The following PLEKHA5 variants were observed in gnomAD, a reference collection of about 807,000 sequenced individuals.
The protein encoded by PLEKHA5 is pleckstrin homology domain containing A5.
In PLEKHA5, 55 loss-of-function variants were observed where a neutral mutation model predicts 181.9. That is an observed-to-expected ratio of 0.30 (90% confidence interval 0.24 to 0.38). The LOEUF (loss-of-function observed/expected upper bound fraction) is 0.38. PLEKHA5 is among the 10% of genes least tolerant of loss of function. PLEKHA5 has a pLI of 1.00. For synonymous variants in PLEKHA5, 535 were observed against 529.4 expected, an observed-to-expected ratio of 1.01 and a Z score of -0.15; for missense variants, 1,432 against 1,549.5, an observed-to-expected ratio of 0.92 and a Z score of 1.27.
In PLEKHA5 at chr12:19,376,160, A is replaced by C. The variant is rs183378943; in HGVS notation, c.*641A>C. ...GCTTATCTTTTCTTAAAAAAAAAAA[A>C]AACAAAGTGTAGGTATTTTGAAGTA... On this transcript the variant is annotated 3_prime_UTR_variant, in exon 32 of 32. Transcript: ENST00000429027. The C allele has an allele frequency of 3.1e-4, 48 of 152,484 alleles. No homozygotes were observed. In the East Asian group the frequency reaches 8.7e-3, roughly 28 times the overall value. The allele number at this position is 152,484 out of a possible 1,614,324, so 9.4% of individuals were successfully genotyped here.
intron 3 of PLEKHA5, among the ~76,000 whole-genome samples, chr12:19,224,210 T>C (rs1421095691): frequency 6.6e-6 from 1 of 152,198 alleles, no homozygotes; most frequent in Non-Finnish European, 1.5e-5. Context: ...TATAGCTATT[T>C]TTTGAATAAA....
At chr12:19,266,904 G>C (rs2070653586) in intron 8 of PLEKHA5, among the ~76,000 whole-genome samples, 2 of 152,032 alleles carry the variant, frequency 1.3e-5, no homozygotes, top group South Asian at 4.2e-4. Context: ...AGATGTTCTT[G>C]GGTCTAAGTA....
At chr12:19,186,974 ACT>A (rs1290822472) in intron 3 of PLEKHA5, among the ~76,000 whole-genome samples, 1 of 152,068 alleles carries the variant, frequency 6.6e-6, no homozygotes, top group African/African-American at 2.4e-5. Context: ...GTGTCCTATG[ACT>A]CTAACCACCT....
chr12:19,323,559 G>A (rs965986232), intron 20 of PLEKHA5, among the ~76,000 whole-genome samples: 10 of 151,780 alleles, frequency 6.6e-5, no homozygotes, highest in East Asian at 1.9e-4. Flanking sequence ...GGCTGACACC[G>A]TAATCCCAGG....
At position 19,319,783 on chromosome 12, in the gene PLEKHA5, G is replaced by C. The variant is rs1031113503; in HGVS notation, c.2119-238G>C. On this transcript the variant is annotated intron_variant, in intron 16 of 31. Transcript: ENST00000429027. ...ATTGAAATCTTGCTAAGCACAATCAGAAGTAACCAAAATATCTTTTAACCA... is the reference window on the plus strand; with the variant it reads ...ATTGAAATCTTGCTAAGCACAATCACAAGTAACCAAAATATCTTTTAACCA... 13 of 330,056 alleles carry C rather than the reference G, an allele frequency of 3.9e-5. No individual in the cohort carries two copies. In the South Asian group the frequency reaches 4.2e-4, roughly 11 times the overall value. The allele number at this position is 330,056 out of a possible 1,614,324, so 20.4% of individuals were successfully genotyped here. A position where few individuals can be genotyped will look rare whatever the true frequency, so the allele number is the denominator to read the frequency against.
At chr12:19,270,445 A>G (rs1463735574) in intron 10 of PLEKHA5, among the ~76,000 whole-genome samples, 3 of 152,168 alleles carry the variant, frequency 2.0e-5, no homozygotes, top group Non-Finnish European at 2.9e-5. Context: ...TCTCCAGAAA[A>G]TAGTTCGTCA....
intron 3 of PLEKHA5, among the ~76,000 whole-genome samples, chr12:19,194,002 G>C (rs956880430): frequency 7.9e-5 from 12 of 152,118 alleles, no homozygotes; most frequent in African/African-American, 2.9e-4. Context: ...ACAGCACCAA[G>C]CCATGAGGGA....
intron 23 of PLEKHA5, 88 bp downstream of exon 23, chr12:19,345,976 CAA>C: frequency 1.5e-6 from 1 of 646,002 alleles, no homozygotes; most frequent in Non-Finnish European, 2.7e-6. Flanking sequence ...ATCTTAATAA[CAA>C]AAATATTTTT....
At chr12:19,193,548 T>C (rs572158418) in intron 3 of PLEKHA5, among the ~76,000 whole-genome samples, 11 of 152,236 alleles carry the variant, frequency 7.2e-5, no homozygotes, top group South Asian at 2.1e-4. Context: ...TACATTGATA[T>C]ATATTGCATT....
rs2065151234 is a variant in PLEKHA5, at chr12:19,251,107, T to C, written c.228-2833T>C. ...GTGCTGGGAGGAAGGTTATCTGAAATTGAGTTGAAAGCTGTAGGCCTGGTG... is the reference window on the plus strand; with the variant it reads ...GTGCTGGGAGGAAGGTTATCTGAAACTGAGTTGAAAGCTGTAGGCCTGGTG... On this transcript the variant is annotated intron_variant, in intron 3 of 31. Coordinates refer to ENST00000429027, the MANE Select transcript of PLEKHA5 (RefSeq NM_001256470.2). Among the ~76,000 whole-genome samples the C allele has an allele frequency of 3.9e-5, 6 of 151,960 alleles. No individual in the cohort carries two copies. In the South Asian group the frequency reaches 1.2e-3, roughly 32 times the overall value.
At chr12:19,332,463 C>A (rs1209698418) in intron 20 of PLEKHA5, among the ~76,000 whole-genome samples, 1 of 152,136 alleles carries the variant, frequency 6.6e-6, no homozygotes, top group African/African-American at 2.4e-5. Context: ...CTTTTTTCTT[C>A]TTTCTTTTCC....
At chr12:19,241,178 C>G (rs773052020) in intron 3 of PLEKHA5, among the ~76,000 whole-genome samples, 16 of 152,306 alleles carry the variant, frequency 1.1e-4, no homozygotes, top group Non-Finnish European at 1.6e-4. Context: ...CTAACACATT[C>G]AAGTTCAGCT....
intron 3 of PLEKHA5, among the ~76,000 whole-genome samples, chr12:19,218,787 C>T (rs2058432676): frequency 6.6e-6 from 1 of 151,492 alleles, no homozygotes. Flanking sequence ...ATTGTGTTTA[C>T]TTATTTTTGT....
intron 11 of PLEKHA5, among the ~76,000 whole-genome samples, chr12:19,279,169 T>C (rs1295379550): frequency 6.6e-6 from 1 of 152,192 alleles, no homozygotes; most frequent in Non-Finnish European, 1.5e-5. Flanking sequence ...ACCTTTTTAT[T>C]TTTAACTAAG....
chr12:19,165,113 CAAATTATATAGA>C (rs2043997183), intron 3 of PLEKHA5, among the ~76,000 whole-genome samples: 1 of 152,168 alleles, frequency 6.6e-6, no homozygotes, highest in African/African-American at 2.4e-5. Flanking sequence ...CTCACCCACT[CAAATTATATAGA>C]AGACCTTAAG....
At chr12:19,288,094 A>AAAG in intron 13 of PLEKHA5, 3 of 330,194 alleles carry the variant, frequency 9.1e-6, no homozygotes, top group South Asian at 2.8e-5. Context: ...AAAAAAAAAA[A>AAAG]AAAGAAACTT....
intron 20 of PLEKHA5, among the ~76,000 whole-genome samples, chr12:19,332,597 C>G (rs1361472394): frequency 6.6e-6 from 1 of 152,154 alleles, no homozygotes; most frequent in East Asian, 1.9e-4. Flanking sequence ...TCAAGTGATC[C>G]TCCCCCTGCC....
chr12:19,211,591 C>T (rs2056916004), intron 3 of PLEKHA5, among the ~76,000 whole-genome samples: 2 of 152,022 alleles, frequency 1.3e-5, no homozygotes, highest in South Asian at 4.2e-4. Context: ...GAATTCTGGC[C>T]TCTAGAGCTG....
At chr12:19,319,469 T>C (rs2090054009) in intron 16 of PLEKHA5, among the ~76,000 whole-genome samples, 1 of 152,242 alleles carries the variant, frequency 6.6e-6, no homozygotes, top group Non-Finnish European at 1.5e-5. Context: ...TCAAGCAGTT[T>C]CTTTCATAGA....
Sources: gnomAD v4.1 joint callset for allele counts (sites outside exome capture counted in the v4.1 genomes callset) on GRCh38, gnomAD v4.1.1 for gene constraint, MANE v1.5 for transcripts, NCBI Gene and HGNC (gene_info 2026-07-23, HGNC 2026-07-21) for gene names.